NLGN3: variants seen among roughly 807,000 people sequenced by gnomAD.
NLGN3 encodes the protein neuroligin-3.
In NLGN3, 11 loss-of-function variants were observed where a neutral mutation model predicts 42.9. That is an observed-to-expected ratio of 0.26 (90% CI 0.16 to 0.42). NLGN3 has a LOEUF of 0.42. NLGN3 is among the 10% of genes least tolerant of loss of function. The probability of loss-of-function intolerance (pLI) is 1.00; values close to 1 mark genes in which losing one functional copy is unlikely to be tolerated. For missense variants in NLGN3, 374 were observed against 733.8 expected (o/e 0.51, Z 5.67); for synonymous variants, 279 against 312.7 (o/e 0.89, Z 1.14).
At position 71,169,724 on chromosome X, in the gene NLGN3, C is replaced by T; in HGVS notation, c.2174C>T (p.Ala725Val). The T allele has an allele frequency of 1.7e-6, 2 of 1,211,728 alleles. No individual in the cohort carries two copies. The highest frequency in any genetic ancestry group is 1.1e-6 in the Non-Finnish European group (1 of 895,386). The change falls in exon 8 of 8, where the codon GCC (alanine) becomes GTC (valine). Residue 725 changes from alanine (A) to valine (V), a missense_variant. Ala to Val is a moderately conservative substitution (Grantham distance 64). This residue lies in a region of NLGN3 where 142 missense variants were observed against 359.1 expected (regional missense o/e 0.40). Coordinates refer to ENST00000358741, the MANE Select transcript of NLGN3 (RefSeq NM_181303.2). The part of the protein sequence containing the change: ...GASLLFLNVL[A>V]FAALYYRKDK... ...TCCCTCCTGTTCCTTAACGTTCTGG[C>T]CTTCGCTGCCCTCTACTACCGTAAG...
downstream of NLGN3, among the ~76,000 whole-genome samples, chrX:71,174,314 T>C (rs2092475199): frequency 9.0e-6 from 1 of 111,549 alleles, no homozygotes; most frequent in African/African-American, 3.3e-5. Context: ...GCAGCTCAAA[T>C]TGCAGGACAA....
chrX:71,165,548 CGCTCTGTTCCCCAG>C lies in NLGN3; in HGVS notation c.913+1228_913+1241del, dbSNP rs769154245. On this transcript the variant is annotated intron_variant, in intron 6 of 7. Transcript: ENST00000358741. ...TTTTTTTTTCTTTGAGACAAGATCT[CGCTCTGTTCCCCAG>C]GCTCTGTCCCCCAGTGCAGTGGTGT... 4.6e-5 allele frequency among the ~76,000 whole-genome samples: 5 copies of C among 109,140 alleles called. No homozygotes were observed. In the South Asian group the frequency reaches 2.0e-3, roughly 44 times the overall value. The allele number at this position is 109,140 out of a possible 115,157, so 94.8% of individuals were successfully genotyped here.
At chrX:71,145,947 C>T (rs772479612) in intron 1 of NLGN3, among the ~76,000 whole-genome samples, 20 of 93,386 alleles carry the variant, frequency 2.1e-4, no homozygotes, top group African/African-American at 7.6e-4. Context: ...CCCACTCCCT[C>T]CTGCCCCACC....
intron 6 of NLGN3, 91 bp from the exon 7 acceptor site, chrX:71,166,917 AAAC>A (rs761969734): frequency 1.2e-6 from 1 of 822,922 alleles, no homozygotes; most frequent in African/African-American, 2.0e-5. Flanking sequence ...TAGCCCATTT[AAAC>A]CATGGGGCAG....
In NLGN3 at chrX:71,170,274, C is replaced by A. The variant is rs747551284; in HGVS notation, c.*177C>A. On this transcript the variant is annotated 3_prime_UTR_variant, in exon 8 of 8. Coordinates refer to ENST00000358741, the MANE Select transcript of NLGN3 (RefSeq NM_181303.2). ...AAACATAGACAGATGTGGACATGCA[C>A]CCGCATGTACAAAAACACAAATACG... is the stretch of plus-strand genomic sequence containing the variant. 1.5e-5 allele frequency: 17 copies of A among 1,119,605 alleles called. No individual in the cohort carries two copies. In the South Asian group the frequency reaches 3.0e-4, roughly 20 times the overall value. 92.3% of individuals were successfully genotyped at this position (1,119,605 alleles called of 1,213,427 possible).
chrX:71,152,191 T>C (rs1399347830), intron 3 of NLGN3, among the ~76,000 whole-genome samples: 1 of 110,937 alleles, frequency 9.0e-6, no homozygotes, highest in Non-Finnish European at 1.9e-5. Flanking sequence ...TTCCACACAC[T>C]GACCAGCATC....
At chrX:71,165,346 A>C (rs1394359048) in intron 6 of NLGN3, among the ~76,000 whole-genome samples, 3 of 111,265 alleles carry the variant, frequency 2.7e-5, no homozygotes, top group Non-Finnish European at 5.7e-5. Context: ...TGGGAACAGG[A>C]ATCTTCCCTT....
At chrX:71,161,175 C>T (rs1346246601) in intron 5 of NLGN3, among the ~76,000 whole-genome samples, 4 of 103,561 alleles carry the variant, frequency 3.9e-5, no homozygotes, top group Non-Finnish European at 5.9e-5. Flanking sequence ...AGTGCAATGG[C>T]GCTATCTCGG....
chrX:71,168,898 G>GAA lies in NLGN3; in HGVS notation c.1704-354_1704-353dup, dbSNP rs59272077. On this transcript the variant is annotated intron_variant, in intron 7 of 7. Coordinates refer to ENST00000358741, the MANE Select transcript of NLGN3 (RefSeq NM_181303.2). ...AAGAAAAGAAAGAGAAAGAAAGAAA[G>GAA]AAAGAAAAAGAGACTTCGGGTTCAG... 5.0e-3 allele frequency among the ~76,000 whole-genome samples: 506 copies of GAA among 100,515 alleles called. 13 individuals are homozygous for GAA. Among genetic ancestry groups the GAA allele is most frequent in the African/African-American group, 0.021 (476 of 22,710 alleles). 87.3% of individuals were successfully genotyped at this position (100,515 alleles called of 115,157 possible).
chrX:71,166,230 G>C (rs1276244291), intron 6 of NLGN3, among the ~76,000 whole-genome samples: 1 of 111,090 alleles, frequency 9.0e-6, no homozygotes, highest in African/African-American at 3.3e-5. Flanking sequence ...GCCAAGGCGG[G>C]TGGATCACCT....
chrX:71,163,941 G>A (rs1456444667), intron 5 of NLGN3, among the ~76,000 whole-genome samples: 2 of 112,787 alleles, frequency 1.8e-5, no homozygotes. Context: ...GATAACAGGT[G>A]GGAGGCAGGG....
At chrX:71,156,642 A>T (rs2092410234) in intron 5 of NLGN3, among the ~76,000 whole-genome samples, 1 of 110,020 alleles carries the variant, frequency 9.1e-6, no homozygotes, top group African/African-American at 3.3e-5. Context: ...CTGCATCTGT[A>T]TCCATACATG....
chrX:71,162,034 A>T (rs2092432171), intron 5 of NLGN3, among the ~76,000 whole-genome samples: 1 of 112,277 alleles, frequency 8.9e-6, no homozygotes, highest in Admixed American at 9.4e-5. Flanking sequence ...GGACTAAAAG[A>T]AGGACAGTGA....
At chrX:71,151,779 C>G (rs1185439065) in intron 3 of NLGN3, among the ~76,000 whole-genome samples, 1 of 112,185 alleles carries the variant, frequency 8.9e-6, no homozygotes, top group Non-Finnish European at 1.9e-5. Flanking sequence ...GAAGACCTGC[C>G]CCATCTCCCC....
At chrX:71,155,482 T>C in intron 5 of NLGN3, 119 bp downstream of exon 5, 2 of 936,737 alleles carry the variant, frequency 2.1e-6, no homozygotes, top group East Asian at 3.1e-5. Context: ...ATAACCACAG[T>C]CAAAATGGTG....
At chrX:71,172,736 A>G (rs779845202), downstream of NLGN3, among the ~76,000 whole-genome samples, 3 of 110,755 alleles carry the variant, frequency 2.7e-5, no homozygotes, top group East Asian at 8.5e-4. Context: ...TGCTATACCC[A>G]TCTTCAAAAT....
chrX:71,167,781 A>G lies in NLGN3; in HGVS notation c.1684A>G (p.Thr562Ala). 2 of 1,211,033 alleles carry G rather than the reference A, an allele frequency of 1.7e-6. No homozygotes were observed. Among genetic ancestry groups the G allele is most frequent in the Non-Finnish European group, 2.2e-6 (2 of 895,217 alleles). ...CAGTGCTGTCGTCATGACCTATTGG[A>G]CCAACTTTGCCAAGACTGGGTAAGG... ...MLSAVVMTYW[T>A]NFAKTGDPNK... The change falls in exon 7 of 8, where the codon ACC (threonine) becomes GCC (alanine). Residue 562 changes from threonine to alanine, a missense_variant. Thr to Ala is a moderately conservative substitution (Grantham distance 58). Around this residue, in one of 6 missense-constraint regions of NLGN3, gnomAD observed 142 missense variants for 359.1 expected, o/e 0.40. Transcript: ENST00000358741.
At chrX:71,162,421 T>G (rs1205184621) in intron 5 of NLGN3, among the ~76,000 whole-genome samples, 8 of 111,832 alleles carry the variant, frequency 7.2e-5, no homozygotes, top group South Asian at 3.7e-4. Context: ...TGAGCCACCA[T>G]GCCTGGCCAA....
downstream of NLGN3, among the ~76,000 whole-genome samples, chrX:71,174,164 C>T (rs1232015500): frequency 1.8e-5 from 2 of 112,117 alleles, no homozygotes; most frequent in African/African-American, 6.5e-5. Context: ...GCAAGGAAAA[C>T]GATTTTCAGA....
Sources: gnomAD v4.1 joint callset for allele counts (sites outside exome capture counted in the v4.1 genomes callset) on GRCh38, gnomAD v4.1.1 for gene constraint, gnomAD v4.1.1 regional missense constraint, MANE v1.5 for transcripts, NCBI Gene and HGNC (gene_info 2026-07-23, HGNC 2026-07-21) for gene names.